KMT2C: variants seen among roughly 807,000 people sequenced by gnomAD.
The protein encoded by KMT2C is lysine methyltransferase 2C.
Under a neutral mutation model 507.9 loss-of-function variants are expected in KMT2C, and 88 were observed. The observed-to-expected ratio is 0.17, with a 90% CI of 0.15 to 0.21. The LOEUF is 0.21. KMT2C is among the 10% of genes least tolerant of loss of function. The pLI, the probability that KMT2C is intolerant of heterozygous loss-of-function variation, is 1.00. For synonymous variants in KMT2C, 2,049 were observed against 2,080.8 expected, an observed-to-expected ratio of 0.98 and a Z score of 0.42; for missense variants, 4,954 against 5,957.8, an observed-to-expected ratio of 0.83 and a Z score of 5.55.
chr7:152,332,311 C>T (rs2096892058), intron 2 of KMT2C, among the ~76,000 whole-genome samples: 1 of 152,168 alleles, frequency 6.6e-6, no homozygotes, highest in Admixed American at 6.5e-5. Context: ...GACATTACAC[C>T]TCCCCACCAG....
intron 38 of KMT2C, among the ~76,000 whole-genome samples, chr7:152,174,792 C>G (rs930446183): frequency 2.6e-5 from 4 of 152,000 alleles, no homozygotes; most frequent in South Asian, 2.1e-4. Context: ...AGACACGTGC[C>G]CTTTGATTGC....
At position 152,154,285 on chromosome 7, in the gene KMT2C, G is replaced by A. The variant is rs754995276; in HGVS notation, c.12121C>T (p.Pro4041Ser). ...PVPSPIIPIL[P>S]STAGKSSESR... ...TTCTTACTTTTCCCAGCAGTGCTAGGAAGAATTGGAATGATGGGGGACGGC... is the reference window on the plus strand; with the variant it reads ...TTCTTACTTTTCCCAGCAGTGCTAGAAAGAATTGGAATGATGGGGGACGGC... Residue 4041 changes from proline (P) to serine (S), a missense_variant, in exon 47 of 59, where the codon CCT (proline) becomes TCT (serine). By Grantham distance (74) the Pro-to-Ser change is moderately conservative. Transcript: ENST00000262189. The A allele has an allele frequency of 6.2e-7, 1 of 1,614,186 alleles. No individual in the cohort carries two copies. Among genetic ancestry groups the A allele is most frequent in the Non-Finnish European group, 8.5e-7 (1 of 1,180,024 alleles).
At position 152,178,015 on chromosome 7, in the gene KMT2C, T is replaced by TTTAAA. The variant is rs1491309235; in HGVS notation, c.7443-6_7443-5insTTTAA. On this transcript the variant is annotated splice_polypyrimidine_tract_variant and splice_region_variant and intron_variant, in intron 37 of 58. Coordinates refer to ENST00000262189, the MANE Select transcript of KMT2C (RefSeq NM_170606.3). ...CTACCTCCTGGAAATCCAAATCTTT[T>TTTAAA]AAAAAAAAAAAAAAAAAAAAAAAAA... The TTTAAA allele has an allele frequency of 8.6e-6, 7 of 811,040 alleles. No individual in the cohort carries two copies. In the African/African-American group the frequency reaches 1.5e-4, roughly 18 times the overall value. 50.2% of individuals were successfully genotyped at this position (811,040 alleles called of 1,614,324 possible).
At chr7:152,178,136 C>T in intron 37 of KMT2C, 126 bp from the exon 38 acceptor site, 1 of 968,688 alleles carries the variant, frequency 1.0e-6, no homozygotes, top group Non-Finnish European at 1.4e-6. Context: ...AATACTATGA[C>T]TTACAAAAGC....
intron 2 of KMT2C, among the ~76,000 whole-genome samples, chr7:152,351,687 AATACTTTT>A (rs2097111986): frequency 6.6e-6 from 1 of 152,200 alleles, no homozygotes; most frequent in Non-Finnish European, 1.5e-5. Flanking sequence ...GCCCCAAAAT[AATACTTTT>A]ATAATTTCTT....
chr7:152,327,952 C>T (rs1292643851), intron 3 of KMT2C, among the ~76,000 whole-genome samples: 64 of 133,116 alleles, frequency 4.8e-4, no homozygotes, highest in African/African-American at 8.6e-4. Context: ...AGCGAGACTC[C>T]GCCTCAAAAA....
chr7:152,159,140 G>T, intron 43 of KMT2C, 68 bp from the exon 44 acceptor site: 1 of 1,321,606 alleles, frequency 7.6e-7, no homozygotes. Flanking sequence ...TTCATGCAGT[G>T]CCAAGCTATG....
chr7:152,323,738 G>T (rs1563860295), intron 3 of KMT2C, among the ~76,000 whole-genome samples: 2 of 142,834 alleles, frequency 1.4e-5, no homozygotes, highest in Non-Finnish European at 3.0e-5. Context: ...AGGGAGAGAA[G>T]GAAGGAAAAA....
intron 1 of KMT2C, among the ~76,000 whole-genome samples, chr7:152,364,047 C>T (rs1420866650): frequency 6.6e-6 from 1 of 152,126 alleles, no homozygotes; most frequent in Non-Finnish European, 1.5e-5. Flanking sequence ...AAATGAGCCA[C>T]AGAACAAATG....
intron 1 of KMT2C, among the ~76,000 whole-genome samples, chr7:152,381,107 G>C (rs1439630327): frequency 6.6e-6 from 1 of 152,160 alleles, no homozygotes; most frequent in Non-Finnish European, 1.5e-5. Flanking sequence ...AAAGCAACTT[G>C]AGTGGTCAGT....
At chr7:152,160,248 A>T (rs747660772) in intron 43 of KMT2C, among the ~76,000 whole-genome samples, 2 of 152,174 alleles carry the variant, frequency 1.3e-5, no homozygotes, top group Non-Finnish European at 2.9e-5. Context: ...GCTCATCTCC[A>T]GGCTAGTTCT....
At chr7:152,217,639 G>A (rs911130195) in intron 23 of KMT2C, among the ~76,000 whole-genome samples, 2 of 152,006 alleles carry the variant, frequency 1.3e-5, no homozygotes, top group African/African-American at 2.4e-5. Context: ...AGTAAATTCA[G>A]ATGGGCTATT....
At chr7:152,256,966 T>A (rs2095670968) in intron 9 of KMT2C, among the ~76,000 whole-genome samples, 1 of 152,170 alleles carries the variant, frequency 6.6e-6, no homozygotes, top group Non-Finnish European at 1.5e-5. Flanking sequence ...CAAAGCTACA[T>A]ATGTGTACAC....
At chr7:152,323,669 AAAGG>A (rs1177066830) in intron 3 of KMT2C, among the ~76,000 whole-genome samples, 11 of 148,794 alleles carry the variant, frequency 7.4e-5, no homozygotes, top group African/African-American at 2.5e-4. Flanking sequence ...AAAGAGAAAG[AAAGG>A]AAGGAAAGAA....
chr7:152,376,280 G>A (rs1023945034), intron 1 of KMT2C, among the ~76,000 whole-genome samples: 1 of 152,210 alleles, frequency 6.6e-6, no homozygotes, highest in East Asian at 1.9e-4. Context: ...AGGCCAATTA[G>A]TTAACCCTAA....
chr7:152,327,785 C>T (rs1320417845), intron 3 of KMT2C, among the ~76,000 whole-genome samples: 9 of 151,722 alleles, frequency 5.9e-5, no homozygotes, highest in Admixed American at 2.6e-4. Flanking sequence ...ATTGAAACCC[C>T]GTCTCTACTA....
intron 46 of KMT2C, 26 bp downstream of exon 46, chr7:152,155,884 T>C: frequency 1.9e-6 from 3 of 1,572,364 alleles, no homozygotes; most frequent in Non-Finnish European, 2.6e-6. Context: ...TAACTAAGAA[T>C]TATTTGAGAA....
chr7:152,274,507 G>A (rs1373429289), intron 6 of KMT2C, among the ~76,000 whole-genome samples: 9 of 152,136 alleles, frequency 5.9e-5, no homozygotes, highest in South Asian at 2.1e-4. Flanking sequence ...GTGGTAAAAC[G>A]CACAGAAATA....
chr7:152,135,951 A>G lies in KMT2C; in HGVS notation c.*881T>C, dbSNP rs2089842053. 8.8e-6 allele frequency: 2 copies of G among 228,500 alleles called. No homozygotes were observed. The highest frequency in any genetic ancestry group is 1.7e-5 in the Non-Finnish European group (2 of 115,026). 14.2% of individuals were successfully genotyped at this position (228,500 alleles called of 1,614,324 possible). A position where few individuals can be genotyped will look rare whatever the true frequency, so the allele number is the denominator to read the frequency against. ...ATTATAATGGCATATTTTATAACAC[A>G]AAATTATATTGTAACATCCCTATGA... is the stretch of plus-strand genomic sequence containing the variant. On this transcript the variant is annotated 3_prime_UTR_variant, in exon 59 of 59. Transcript: ENST00000262189.
Sources: allele counts gnomAD v4.1 joint callset (sites outside exome capture counted in the v4.1 genomes callset), GRCh38; gene constraint gnomAD v4.1.1; transcripts MANE v1.5; gene names NCBI Gene and HGNC (gene_info 2026-07-23, HGNC 2026-07-21).